The following PRSS3 variants were observed in gnomAD, a reference collection of about 807,000 sequenced individuals.
The protein encoded by PRSS3 is serine protease 3.
In PRSS3, 14 loss-of-function variants were observed where a neutral mutation model predicts 20.8. The ratio of observed to expected loss-of-function variants is 0.67; its 90% CI spans 0.44 to 1.05. The LOEUF is 1.05. Ranked by LOEUF, PRSS3 falls within the 50% of genes least tolerant of loss-of-function variation. The pLI is 0.00. For synonymous variants in PRSS3, 91 were observed against 117.6 expected (o/e 0.77, Z 1.46); for missense variants, 237 against 306.4 (o/e 0.77, Z 1.69).
chr9:33,766,488 G>A (rs1425728143), intron 1 of PRSS3, among the ~76,000 whole-genome samples: 2 of 152,110 alleles, frequency 1.3e-5, no homozygotes, highest in African/African-American at 4.8e-5. Context: ...CAGGAGAATG[G>A]CGTGAACCGG....
intron 1 of PRSS3, among the ~76,000 whole-genome samples, chr9:33,755,776 G>A (rs1822913796): frequency 6.6e-6 from 1 of 152,142 alleles, no homozygotes; most frequent in South Asian, 2.1e-4. Context: ...GGAAACTCAT[G>A]GGGGCCCTCT....
At chr9:33,756,553 C>G (rs962911330) in intron 1 of PRSS3, among the ~76,000 whole-genome samples, 4 of 152,046 alleles carry the variant, frequency 2.6e-5, no homozygotes, top group African/African-American at 9.7e-5. Context: ...AAAATGGGAT[C>G]TCTTGGATTT....
At chr9:33,778,329 T>C (rs1824031235) in intron 1 of PRSS3, among the ~76,000 whole-genome samples, 1 of 152,192 alleles carries the variant, frequency 6.6e-6, no homozygotes, top group South Asian at 2.1e-4. Flanking sequence ...TAATGTTCAC[T>C]CTTAACCACT....
chr9:33,752,886 C>T (rs1474492214), intron 1 of PRSS3, among the ~76,000 whole-genome samples: 1 of 152,230 alleles, frequency 6.6e-6, no homozygotes, highest in Non-Finnish European at 1.5e-5. Context: ...CTGCATTCTC[C>T]TTGCCAGGAC....
chr9:33,766,007 C>G (rs1283883416), intron 1 of PRSS3, among the ~76,000 whole-genome samples: 1 of 152,190 alleles, frequency 6.6e-6, no homozygotes, highest in African/African-American at 2.4e-5. Flanking sequence ...GTGGCCCACA[C>G]CTGTAATCCC....
intron 1 of PRSS3, among the ~76,000 whole-genome samples, chr9:33,751,733 T>TGTTC (rs1463675134): frequency 1.3e-5 from 2 of 152,174 alleles, no homozygotes; most frequent in African/African-American, 4.8e-5. Flanking sequence ...GATGGCTTAT[T>TGTTC]GTTCATGAGA....
rs199600414 is a variant in PRSS3, at chr9:33,796,787, C to T, written c.185C>T (p.Ala62Val). ...AGCGAACAGTGGGTGGTATCAGCAG[C>T]TCACTGCTACAAGACGTAAGTGTGG... is the stretch of plus-strand genomic sequence containing the variant. ...LISEQWVVSA[A>V]HCYKTRIQVR... The change falls in exon 2 of 5, where the codon GCT becomes GTT. Residue 62 changes from alanine to valine, a missense_variant. Transcript: ENST00000379405. The T allele has an allele frequency of 6.7e-7, 1 of 1,496,002 alleles. No homozygotes were observed. The highest frequency in any genetic ancestry group is 1.9e-5 in the Admixed American group (1 of 51,310). The allele number at this position is 1,496,002 out of a possible 1,614,324, so 92.7% of individuals were successfully genotyped here. A position where few individuals can be genotyped will look rare whatever the true frequency, so the allele number is the denominator to read the frequency against.
rs1488603743 is a variant in PRSS3, at chr9:33,764,439, G to A, written c.-53+13712G>A. On this transcript the variant is annotated intron_variant, in intron 1 of 5. Transcript: ENST00000342836. ...TCCCAGCTACTCAGGAGGCTGAGGC[G>A]GGAGAATCGCTTGAATGTAGGAGGC... Among the ~76,000 whole-genome samples the A allele has an allele frequency of 1.3e-4, 20 of 152,120 alleles. No homozygotes were observed. The East Asian group carries it at 1.3e-3, about 10-fold the overall frequency.
At chr9:33,762,024 A>T (rs1823232031) in intron 1 of PRSS3, 1 of 152,152 alleles carries the variant, frequency 6.6e-6, no homozygotes, top group Non-Finnish European at 1.5e-5. Flanking sequence ...AAAACTATTC[A>T]TTTTATCATT....
intron 1 of PRSS3, among the ~76,000 whole-genome samples, chr9:33,751,799 T>A (rs1466198533): frequency 6.6e-6 from 1 of 152,192 alleles, no homozygotes; most frequent in Admixed American, 6.5e-5. Flanking sequence ...CTGGGTGTTG[T>A]GCAGTGGGAA....
At chr9:33,798,174 G>T in intron 3 of PRSS3, 92 bp downstream of exon 3, 3 of 1,404,160 alleles carry the variant, frequency 2.1e-6, no homozygotes. Context: ...TTGCCTCCCG[G>T]CTTAAGACAC....
intron 1 of PRSS3, among the ~76,000 whole-genome samples, chr9:33,784,806 A>G (rs1360172931): frequency 6.6e-6 from 1 of 152,196 alleles, no homozygotes; most frequent in East Asian, 1.9e-4. Context: ...TTACTAAGGC[A>G]CAGGCAACTG....
At chr9:33,773,915 C>CA (rs1221784014) in intron 1 of PRSS3, among the ~76,000 whole-genome samples, 1 of 152,208 alleles carries the variant, frequency 6.6e-6, no homozygotes, top group Non-Finnish European at 1.5e-5. Context: ...GCTGGGATTA[C>CA]AGGTGTGAGC....
chr9:33,785,379 G>T (rs1389634943), intron 1 of PRSS3, among the ~76,000 whole-genome samples: 1 of 150,638 alleles, frequency 6.6e-6, no homozygotes, highest in Admixed American at 6.6e-5. Flanking sequence ...GGGTTTCACC[G>T]TTTTAGCCGG....
At chr9:33,792,611 G>C (rs536970961), upstream of PRSS3, among the ~76,000 whole-genome samples, 181 of 152,376 alleles carry the variant, frequency 1.2e-3, 2 homozygotes, top group Non-Finnish European at 5.4e-4. Flanking sequence ...GGAGGCCCTA[G>C]AGTCAGACCA....
chr9:33,761,254 G>A (rs1823189390), intron 1 of PRSS3, among the ~76,000 whole-genome samples: 1 of 152,178 alleles, frequency 6.6e-6, no homozygotes, highest in Non-Finnish European at 1.5e-5. Flanking sequence ...CTGAGCATAC[G>A]CACTGTTAGC....
intron 1 of PRSS3, among the ~76,000 whole-genome samples, chr9:33,768,649 G>A (rs972214826): frequency 6.6e-6 from 1 of 151,704 alleles, no homozygotes; most frequent in Non-Finnish European, 1.5e-5. Flanking sequence ...CTGAGGTCAG[G>A]AGTTTGAGAC....
intron 1 of PRSS3, among the ~76,000 whole-genome samples, chr9:33,751,343 T>C (rs1368629442): frequency 1.3e-5 from 2 of 152,146 alleles, no homozygotes; most frequent in Non-Finnish European, 2.9e-5. Flanking sequence ...CCCGATCCAG[T>C]GCTTAGCTTC....
At chr9:33,752,339 G>A (rs1394891225) in intron 1 of PRSS3, among the ~76,000 whole-genome samples, 1 of 152,230 alleles carries the variant, frequency 6.6e-6, no homozygotes, top group African/African-American at 2.4e-5. Flanking sequence ...AAGTACAGAT[G>A]TTAACTGTGT....
Sources: gnomAD v4.1 joint callset for allele counts (sites outside exome capture counted in the v4.1 genomes callset) on GRCh38, gnomAD v4.1.1 for gene constraint, MANE v1.5 for transcripts, NCBI Gene and HGNC (gene_info 2026-07-23, HGNC 2026-07-21) for gene names.